Variants in MAK observed in about 807,000 individuals in gnomAD.
The protein encoded by MAK is male germ cell associated kinase, also known as serine/threonine-protein kinase MAK.
A neutral mutation model predicts 82.6 loss-of-function variants in MAK; 65 were observed. The ratio of observed to expected loss-of-function variants is 0.79; its 90% CI spans 0.64 to 0.97. MAK has a LOEUF of 0.97. MAK is among the 50% of genes least tolerant of loss of function. The pLI is 0.00. For missense variants in MAK, 703 were observed against 780.2 expected (o/e 0.90, Z 1.18); for synonymous variants, 250 against 274.2 (o/e 0.91, Z 0.87).
intron 8 of MAK, among the ~76,000 whole-genome samples, chr6:10,801,445 T>G: frequency 6.6e-6 from 1 of 152,232 alleles, no homozygotes. Flanking sequence ...AGCCAGAGGC[T>G]GCACACTCCA....
chr6:10,823,562 C>G (rs994841397), intron 2 of MAK, among the ~76,000 whole-genome samples: 1 of 152,180 alleles, frequency 6.6e-6, no homozygotes, highest in African/African-American at 2.4e-5. Context: ...CAGAGTCTCA[C>G]TCTGTTGCCT....
intron 2 of MAK, among the ~76,000 whole-genome samples, chr6:10,825,129 TC>T (rs1418580200): frequency 6.6e-6 from 1 of 152,134 alleles, no homozygotes; most frequent in Non-Finnish European, 1.5e-5. Flanking sequence ...TCTGCCCTCT[TC>T]CCTCCTTGAA....
Position 10,830,668 on chromosome 6 carries a change from A to C in MAK, c.-20T>G, listed in dbSNP as rs1778750530. ...GTTCATCTTGGAAAAATAATGCAGC[A>C]GAAGTTGTTGATTGAAATGACTTCC... On this transcript the variant is annotated 5_prime_UTR_variant, in exon 2 of 15. Coordinates refer to ENST00000354489, the MANE Select transcript of MAK (RefSeq NM_001242957.3). The C allele has an allele frequency of 3.2e-6, 5 of 1,578,436 alleles. No homozygotes were observed. Among genetic ancestry groups the C allele is most frequent in the Non-Finnish European group, 4.4e-6 (5 of 1,147,590 alleles).
intron 4 of MAK, among the ~76,000 whole-genome samples, chr6:10,815,843 A>G (rs1777427649): frequency 6.7e-6 from 1 of 149,940 alleles, no homozygotes; most frequent in South Asian, 2.1e-4. Flanking sequence ...ACACTCTTCA[A>G]TGCAAACATT....
intron 5 of MAK, among the ~76,000 whole-genome samples, chr6:10,813,285 A>G (rs997743811): frequency 6.8e-6 from 1 of 146,054 alleles, no homozygotes; most frequent in African/African-American, 2.5e-5. Flanking sequence ...AGTAGCTGGG[A>G]TTACAGGCGC....
At chr6:10,792,122 G>A (rs980275144) in intron 9 of MAK, among the ~76,000 whole-genome samples, 42 of 140,228 alleles carry the variant, frequency 3.0e-4, no homozygotes, top group Admixed American at 1.5e-4. Flanking sequence ...TGACAGGAAG[G>A]ATCTGGAAAC....
chr6:10,790,219 T>C (rs770803228), intron 10 of MAK, among the ~76,000 whole-genome samples: 1 of 152,142 alleles, frequency 6.6e-6, no homozygotes, highest in Non-Finnish European at 1.5e-5. Context: ...ACCTATGGAA[T>C]GTGAAGACCT....
chr6:10,792,728 A>T (rs1292747086), intron 9 of MAK, among the ~76,000 whole-genome samples: 1 of 152,204 alleles, frequency 6.6e-6, no homozygotes, highest in Non-Finnish European at 1.5e-5. Context: ...GGGTGCAGGG[A>T]GATTCTTAAA....
chr6:10,822,978 T>G (rs1487206207), intron 2 of MAK, among the ~76,000 whole-genome samples: 1 of 152,226 alleles, frequency 6.6e-6, no homozygotes. Context: ...AAGAAACCTC[T>G]TATTTTGTTC....
chr6:10,823,083 T>C (rs914932724), intron 2 of MAK, among the ~76,000 whole-genome samples: 3 of 152,218 alleles, frequency 2.0e-5, no homozygotes, highest in Admixed American at 2.0e-4. Flanking sequence ...GTTTGCCTGC[T>C]GAATTAAGCA....
At chr6:10,813,130 ATATAAATTTTTTTT>A (rs1561987576) in intron 5 of MAK, among the ~76,000 whole-genome samples, 15 of 770 alleles carry the variant, frequency 0.019, 1 homozygote, top group African/African-American at 0.03. Flanking sequence ...ATATATATAT[ATATAAATTTTTTTT>A]TTTTTTTTTT....
In MAK at chr6:10,796,390, C is replaced by T. The variant is rs190540513; in HGVS notation, c.832-81G>A. 5.6e-4 allele frequency: 668 copies of T among 1,197,172 alleles called. 5 individuals are homozygous for T. The Admixed American group carries it at 0.011, about 20-fold the overall frequency. 74.2% of individuals were successfully genotyped at this position (1,197,172 alleles called of 1,614,324 possible). A position where few individuals can be genotyped will look rare whatever the true frequency, so the allele number is the denominator to read the frequency against. On this transcript the variant is annotated intron_variant, in intron 8 of 14. Coordinates refer to ENST00000354489, the MANE Select transcript of MAK (RefSeq NM_001242957.3). ...CACATAAACTATGGTTGGCCCTGTG[C>T]GAGGCATTTATCATTAGCCCACATG...
At chr6:10,805,360 G>A (rs572200194) in intron 6 of MAK, among the ~76,000 whole-genome samples, 1 of 152,210 alleles carries the variant, frequency 6.6e-6, no homozygotes, top group Admixed American at 6.5e-5. Context: ...GACCAAGGCG[G>A]GTGAATCATG....
At chr6:10,835,270 C>A (rs1779080824) in intron 1 of MAK, among the ~76,000 whole-genome samples, 1 of 152,188 alleles carries the variant, frequency 6.6e-6, no homozygotes, top group South Asian at 2.1e-4. Context: ...TTTTTCCCAC[C>A]ACCCTGACCA....
intron 7 of MAK, among the ~76,000 whole-genome samples, chr6:10,803,237 T>TA (rs1165610919): frequency 6.6e-6 from 1 of 152,028 alleles, no homozygotes; most frequent in East Asian, 1.9e-4. Context: ...CCACTCCGAT[T>TA]AAAAAAATAA....
At chr6:10,817,225 C>T (rs953244716) in intron 4 of MAK, among the ~76,000 whole-genome samples, 3 of 151,834 alleles carry the variant, frequency 2.0e-5, no homozygotes, top group Non-Finnish European at 2.9e-5. Flanking sequence ...TGTTGTTGAA[C>T]ATTTCTCACT....
At chr6:10,815,912 G>GTGTATGTATATATATATATATA (rs1554184483) in intron 4 of MAK, among the ~76,000 whole-genome samples, 3 of 108,318 alleles carry the variant, frequency 2.8e-5, no homozygotes, top group African/African-American at 1.4e-4. Context: ...GCTTTATACA[G>GTGTATGTATATATATATATATA]TATATATATA....
At chr6:10,830,124 C>CGTGTGT (rs35519970) in intron 2 of MAK, among the ~76,000 whole-genome samples, 5,988 of 141,520 alleles carry the variant, frequency 0.042, 123 homozygotes, top group Middle Eastern at 0.08. Flanking sequence ...CCTGTGTGCA[C>CGTGTGT]GTGTGTGTGT....
chr6:10,771,632 C>G (rs1773029193), intron 13 of MAK, among the ~76,000 whole-genome samples: 1 of 152,238 alleles, frequency 6.6e-6, no homozygotes, highest in South Asian at 2.1e-4. Context: ...ACACTGGGCT[C>G]TGTGTCCGTT....
Sources: gnomAD v4.1 joint callset for allele counts (sites outside exome capture counted in the v4.1 genomes callset) on GRCh38, gnomAD v4.1.1 for gene constraint, MANE v1.5 for transcripts, NCBI Gene and HGNC (gene_info 2026-07-23, HGNC 2026-07-21) for gene names.